The following HECTD2 variants were observed in gnomAD, a reference collection of about 807,000 sequenced individuals.
The protein encoded by HECTD2 is HECT domain E3 ubiquitin protein ligase 2.
HECTD2 carries 35 observed loss-of-function variants against 103.2 expected under a neutral mutation model. That is an observed-to-expected ratio of 0.34 (90% CI 0.26 to 0.45). The LOEUF is 0.45. HECTD2 is among the 20% of genes least tolerant of loss of function. The probability of loss-of-function intolerance (pLI) is 1.00; values close to 1 mark genes in which losing one functional copy is unlikely to be tolerated. For missense variants in HECTD2, 596 were observed against 937.4 expected (o/e 0.64, Z 4.76); for synonymous variants, 281 against 329.9 (o/e 0.85, Z 1.61).
At chr10:91,505,360 G>A (rs1447864479) in intron 20 of HECTD2, among the ~76,000 whole-genome samples, 2 of 152,230 alleles carry the variant, frequency 1.3e-5, no homozygotes, top group South Asian at 2.1e-4. Flanking sequence ...CCATCAGTGT[G>A]CTGTATTCAG....
intron 9 of HECTD2, among the ~76,000 whole-genome samples, chr10:91,484,964 T>C (rs1411263940): frequency 1.3e-5 from 2 of 152,016 alleles, no homozygotes; most frequent in African/African-American, 2.4e-5. Flanking sequence ...AATACTATTA[T>C]AATCCTCACC....
At chr10:91,454,880 C>T (rs1440777852) in intron 2 of HECTD2, among the ~76,000 whole-genome samples, 1 of 152,042 alleles carries the variant, frequency 6.6e-6, no homozygotes, top group Non-Finnish European at 1.5e-5. Flanking sequence ...TCATCCATGT[C>T]CCTACAAAGG....
At chr10:91,425,260 T>G in intron 1 of HECTD2, 21 bp from the exon 2 acceptor site, 1 of 1,457,758 alleles carries the variant, frequency 6.9e-7, no homozygotes, top group Non-Finnish European at 9.1e-7. Flanking sequence ...TATACTGCAA[T>G]GTTAACTTTT....
intron 5 of HECTD2, among the ~76,000 whole-genome samples, chr10:91,465,760 A>C (rs1330384642): frequency 1.3e-5 from 2 of 152,124 alleles, no homozygotes; most frequent in Non-Finnish European, 2.9e-5. Flanking sequence ...GTTGAACCAG[A>C]CTTGCATAAC....
intron 1 of HECTD2, among the ~76,000 whole-genome samples, chr10:91,419,939 A>G (rs1023714351): frequency 1.3e-5 from 2 of 152,200 alleles, no homozygotes; most frequent in African/African-American, 4.8e-5. Flanking sequence ...TTGTAAAGTA[A>G]TGTTCTTTAA....
chr10:91,482,114 A>G (rs867535257), intron 7 of HECTD2, among the ~76,000 whole-genome samples: 15 of 151,868 alleles, frequency 9.9e-5, no homozygotes, highest in African/African-American at 3.6e-4. Flanking sequence ...AGGTGAGTAT[A>G]TTGGTCAGCC....
At chr10:91,497,512 T>C (rs1353583875) in intron 15 of HECTD2, among the ~76,000 whole-genome samples, 2 of 144,028 alleles carry the variant, frequency 1.4e-5, no homozygotes, top group Non-Finnish European at 3.0e-5. Flanking sequence ...GGTTTCACCA[T>C]GTTGGCCAGG....
At chr10:91,467,513 C>T (rs532065095) in intron 5 of HECTD2, among the ~76,000 whole-genome samples, 2 of 152,240 alleles carry the variant, frequency 1.3e-5, no homozygotes, top group East Asian at 3.9e-4. Context: ...TCGCCACACT[C>T]ACTTGCAGTG....
intron 20 of HECTD2, among the ~76,000 whole-genome samples, chr10:91,507,743 C>A (rs1225126336): frequency 5.2e-5 from 7 of 134,408 alleles, no homozygotes; most frequent in Non-Finnish European, 1.1e-4. Flanking sequence ...GCTACCAATG[C>A]CTTTCTTCAC....
intron 11 of HECTD2, 40 bp from the exon 12 acceptor site, chr10:91,491,160 C>CT: frequency 4.1e-6 from 4 of 973,786 alleles, no homozygotes; most frequent in Non-Finnish European, 4.9e-6. Context: ...AAATTATAGT[C>CT]TAAGTAAAAG....
At chr10:91,413,859 G>T (rs1313669400) in intron 1 of HECTD2, among the ~76,000 whole-genome samples, 2 of 152,172 alleles carry the variant, frequency 1.3e-5, no homozygotes, top group Non-Finnish European at 2.9e-5. Context: ...CAGTGTTTGG[G>T]TCTTGGCCTT....
intron 4 of HECTD2, 32 bp from the exon 5 acceptor site, chr10:91,462,063 G>T: frequency 6.9e-7 from 1 of 1,455,406 alleles, no homozygotes; most frequent in South Asian, 1.2e-5. Context: ...TTAAAATGTT[G>T]AATATACTTA....
upstream of HECTD2, chr10:91,409,559 G>A (rs555852121): frequency 2.0e-5 from 3 of 152,846 alleles, no homozygotes; most frequent in East Asian, 3.9e-4. Flanking sequence ...AAAGAGGGAC[G>A]AGAGGAACAG....
chr10:91,437,852 T>C (rs1844199184), intron 2 of HECTD2, among the ~76,000 whole-genome samples: 1 of 151,972 alleles, frequency 6.6e-6, no homozygotes, highest in South Asian at 2.1e-4. Flanking sequence ...TCCATTTTGT[T>C]CTTGAATAGT....
intron 2 of HECTD2, among the ~76,000 whole-genome samples, chr10:91,447,773 C>A (rs1373331097): frequency 5.0e-5 from 1 of 20,082 alleles, no homozygotes; most frequent in Non-Finnish European, 9.9e-5. Flanking sequence ...AGACTTTAAA[C>A]CAACAAAGAT....
rs564395141 is a variant in HECTD2, at chr10:91,486,594, C to T, written c.1095-1088C>T. On this transcript the variant is annotated intron_variant, in intron 10 of 20. Transcript: ENST00000298068. ...GCAAGTGATCTCTGGCCATGAGCAG[C>T]TTCATCTGTTCATTTCAGTGTATCA... 2.6e-5 allele frequency: 4 copies of T among 152,254 alleles called. No individual in the cohort carries two copies. In the South Asian group the frequency reaches 8.3e-4, roughly 32 times the overall value. 9.4% of individuals were successfully genotyped at this position (152,254 alleles called of 1,614,324 possible). A position where few individuals can be genotyped will look rare whatever the true frequency, so the allele number is the denominator to read the frequency against.
rs925765971 is a variant in HECTD2, at chr10:91,512,457, T to C, written c.*73T>C. The C allele has an allele frequency of 1.1e-5, 14 of 1,321,742 alleles. No homozygotes were observed. The highest frequency in any genetic ancestry group is 1.9e-4 in the Middle Eastern group (1 of 5,236). The allele number at this position is 1,321,742 out of a possible 1,614,324, so 81.9% of individuals were successfully genotyped here. A position where few individuals can be genotyped will look rare whatever the true frequency, so the allele number is the denominator to read the frequency against. ...TCTTACTGTGCCTTTAGCCTTTTCA[T>C]GTTTCTGTCTCAAAACACTTTGACA... On this transcript the variant is annotated 3_prime_UTR_variant, in exon 21 of 21. Transcript: ENST00000298068.
At chr10:91,501,139 T>C in intron 19 of HECTD2, 52 bp from the exon 20 acceptor site, 2 of 1,492,248 alleles carry the variant, frequency 1.3e-6, no homozygotes, top group Non-Finnish European at 1.9e-6. Context: ...ATTACTTTAT[T>C]ATAGGATTTT....
At chr10:91,458,050 CA>C (rs1420055375) in intron 2 of HECTD2, among the ~76,000 whole-genome samples, 6 of 143,918 alleles carry the variant, frequency 4.2e-5, no homozygotes, top group South Asian at 2.2e-4. Context: ...CATGAAATCT[CA>C]AAAAAAAACC....
Sources: allele counts gnomAD v4.1 joint callset (sites outside exome capture counted in the v4.1 genomes callset), GRCh38; gene constraint gnomAD v4.1.1; transcripts MANE v1.5; gene names NCBI Gene and HGNC (gene_info 2026-07-23, HGNC 2026-07-21).